The following FBXW7 variants were observed in gnomAD, a reference collection of about 807,000 sequenced individuals.
FBXW7 encodes the protein F-box/WD repeat-containing protein 7.
FBXW7 carries 11 observed loss-of-function variants against 86.3 expected under a neutral mutation model. The observed-to-expected ratio is 0.13, with a 90% CI of 0.08 to 0.21. FBXW7 has a LOEUF of 0.21. Among genes scored for constraint, FBXW7 ranks in the 10% least tolerant of loss-of-function variants. The pLI is 1.00. For synonymous variants in FBXW7, 313 were observed against 297.9 expected (o/e 1.05, Z -0.52); for missense variants, 488 against 847.4 (o/e 0.58, Z 5.27).
intron 2 of FBXW7, among the ~76,000 whole-genome samples, chr4:152,430,519 TAAAAA>T (rs397978644): frequency 2.1e-5 from 3 of 144,148 alleles, no homozygotes; most frequent in Admixed American, 1.4e-4. Context: ...TTCTTACCAT[TAAAAA>T]AAAAAAAGTT....
At chr4:152,495,278 T>TA (rs775132098) in intron 2 of FBXW7, among the ~76,000 whole-genome samples, 133 of 150,128 alleles carry the variant, frequency 8.9e-4, no homozygotes, top group Non-Finnish European at 1.2e-3. Context: ...ACTAAAAATT[T>TA]AAAAAAAAAC....
chr4:152,437,438 C>G (rs1305395753), intron 2 of FBXW7, among the ~76,000 whole-genome samples: 1 of 151,382 alleles, frequency 6.6e-6, no homozygotes, highest in African/African-American at 2.4e-5. Context: ...AGCAAGAGAA[C>G]TAGAATTAGA....
At chr4:152,400,984 CAA>C (rs1271233095) in intron 4 of FBXW7, among the ~76,000 whole-genome samples, 1 of 152,118 alleles carries the variant, frequency 6.6e-6, no homozygotes, top group Non-Finnish European at 1.5e-5. Flanking sequence ...CAAATGGTAA[CAA>C]AGAGATACCA....
chr4:152,413,488 C>A (rs1357481331), intron 2 of FBXW7, among the ~76,000 whole-genome samples: 1 of 152,006 alleles, frequency 6.6e-6, no homozygotes, highest in Non-Finnish European at 1.5e-5. Flanking sequence ...AATCAAGGCT[C>A]AAAATGATTT....
intron 4 of FBXW7, among the ~76,000 whole-genome samples, chr4:152,355,251 T>A (rs1732255429): frequency 1.3e-5 from 2 of 152,124 alleles, no homozygotes; most frequent in South Asian, 4.1e-4. Flanking sequence ...GAAACTTTAT[T>A]CAGATTTAAG....
intron 2 of FBXW7, among the ~76,000 whole-genome samples, chr4:152,516,254 C>T (rs754668131): frequency 6.6e-6 from 1 of 152,224 alleles, no homozygotes; most frequent in African/African-American, 2.4e-5. Flanking sequence ...TGTTAGAAAC[C>T]CGGCCGCACA....
chr4:152,370,608 T>A (rs187659947), intron 4 of FBXW7, among the ~76,000 whole-genome samples: 1 of 152,074 alleles, frequency 6.6e-6, no homozygotes, highest in Non-Finnish European at 1.5e-5. Flanking sequence ...CTGCAATGTT[T>A]TTAGCATTAT....
intron 2 of FBXW7, among the ~76,000 whole-genome samples, chr4:152,454,318 T>A (rs533476860): frequency 5.5e-5 from 8 of 144,332 alleles, no homozygotes; most frequent in African/African-American, 2.0e-4. Flanking sequence ...GTGTCTCATA[T>A]TCTGAAATTG....
At chr4:152,353,493 TAAG>T (rs1732060399) in intron 4 of FBXW7, among the ~76,000 whole-genome samples, 1 of 152,160 alleles carries the variant, frequency 6.6e-6, no homozygotes, top group Non-Finnish European at 1.5e-5. Context: ...TTACTAATCA[TAAG>T]AATATCTTTG....
At chr4:152,484,246 T>C (rs1438318185) in intron 2 of FBXW7, among the ~76,000 whole-genome samples, 1 of 152,172 alleles carries the variant, frequency 6.6e-6, no homozygotes, top group African/African-American at 2.4e-5. Flanking sequence ...TTCTAACAAC[T>C]ATGTATAGAG....
chr4:152,505,595 A>T (rs1747343838), intron 2 of FBXW7, among the ~76,000 whole-genome samples: 1 of 152,092 alleles, frequency 6.6e-6, no homozygotes, highest in Non-Finnish European at 1.5e-5. Context: ...CAGGATTAGG[A>T]TCATCAATAT....
chr4:152,399,282 G>C (rs1165376155), intron 4 of FBXW7, among the ~76,000 whole-genome samples: 1 of 152,094 alleles, frequency 6.6e-6, no homozygotes, highest in Non-Finnish European at 1.5e-5. Flanking sequence ...AGGATAGAAG[G>C]ACTCTTAGCA....
intron 2 of FBXW7, among the ~76,000 whole-genome samples, chr4:152,447,973 G>C (rs1377220849): frequency 6.6e-6 from 1 of 152,190 alleles, no homozygotes. Flanking sequence ...ATATGGAGCA[G>C]AAAGACTATG....
intron 4 of FBXW7, among the ~76,000 whole-genome samples, chr4:152,368,035 C>G (rs1041708588): frequency 9.2e-5 from 14 of 151,942 alleles, no homozygotes; most frequent in African/African-American, 2.7e-4. Flanking sequence ...GCTGAACAAC[C>G]TCTCAAGCTC....
intron 5 of FBXW7, chr4:152,348,789 A>G: frequency 2.8e-6 from 2 of 703,676 alleles, no homozygotes; most frequent in Non-Finnish European, 4.1e-6. Flanking sequence ...TATCATGACT[A>G]GAAGGGAAAA....
At chr4:152,414,024 T>A (rs759482579) in intron 2 of FBXW7, among the ~76,000 whole-genome samples, 53 of 152,262 alleles carry the variant, frequency 3.5e-4, no homozygotes, top group Non-Finnish European at 6.8e-4. Context: ...CCATTGCTCC[T>A]AGGGGAAATA....
At chr4:152,419,459 T>C (rs78353765) in intron 2 of FBXW7, among the ~76,000 whole-genome samples, 2,373 of 148,132 alleles carry the variant, frequency 0.016, 74 homozygotes, top group African/African-American at 0.056. Flanking sequence ...TCTCACATAA[T>C]AGAAATGTGT....
chr4:152,371,661 C>G (rs1250783895), intron 4 of FBXW7, among the ~76,000 whole-genome samples: 1 of 151,980 alleles, frequency 6.6e-6, no homozygotes, highest in Non-Finnish European at 1.5e-5. Context: ...TCTGATGACA[C>G]ACTGTATGTT....
intron 4 of FBXW7, among the ~76,000 whole-genome samples, chr4:152,403,520 C>T (rs964216761): frequency 5.3e-5 from 8 of 151,722 alleles, no homozygotes; most frequent in Non-Finnish European, 1.2e-4. Context: ...CGGTAGTCAC[C>T]AACCTTTTTG....
Sources: gnomAD v4.1 joint callset for allele counts (sites outside exome capture counted in the v4.1 genomes callset) on GRCh38, gnomAD v4.1.1 for gene constraint, MANE v1.5 for transcripts, NCBI Gene and HGNC (gene_info 2026-07-23, HGNC 2026-07-21) for gene names.